The following TNFRSF11A variants were observed in gnomAD, a reference collection of about 807,000 sequenced individuals.
The protein encoded by TNFRSF11A is TNF receptor superfamily member 11a.
Under a neutral mutation model 55.7 loss-of-function variants are expected in TNFRSF11A, and 32 were observed. The ratio of observed to expected loss-of-function variants is 0.57; its 90% CI spans 0.43 to 0.77. The LOEUF (loss-of-function observed/expected upper bound fraction) is 0.77, where lower values mean the gene tolerates loss of function less well. TNFRSF11A is among the 30% of genes least tolerant of loss of function. TNFRSF11A has a pLI of 0.00. For missense variants in TNFRSF11A, 753 were observed against 809.8 expected (o/e 0.93, Z 0.85); for synonymous variants, 311 against 331.0 (o/e 0.94, Z 0.65).
chr18:62,384,886 G>T lies in TNFRSF11A; in HGVS notation c.1703G>T (p.Arg568Leu), dbSNP rs375618864. 2.5e-6 allele frequency: 4 copies of T among 1,589,586 alleles called. No homozygotes were observed. The highest frequency in any genetic ancestry group is 2.3e-5 in the East Asian group (1 of 43,914). The change falls in exon 10 of 10, where the codon CGC (arginine) becomes CTC (leucine). Residue 568 changes from arginine to leucine, a missense_variant. Around this residue, in one of 3 missense-constraint regions of TNFRSF11A, gnomAD observed 567 missense variants for 596.7 expected, o/e 0.95. Transcript: ENST00000586569. ...GCGGCGGCTGCGGAGCCCATGGGCCGCCCGGTGCAGGAGGAGACCCTGGCG... is the reference window on the plus strand; with the variant it reads ...GCGGCGGCTGCGGAGCCCATGGGCCTCCCGGTGCAGGAGGAGACCCTGGCG... ...GAAAAAEPMGRPVQEETLARR... is the reference protein window; with the variant it reads ...GAAAAAEPMGLPVQEETLARR...
At chr18:62,380,435 ATTT>A (rs577681535) in intron 9 of TNFRSF11A, among the ~76,000 whole-genome samples, 2 of 136,340 alleles carry the variant, frequency 1.5e-5, no homozygotes. Flanking sequence ...ACGGTCAGGA[ATTT>A]TTTTTTTTTT....
rs1269204952 is a variant in TNFRSF11A, at chr18:62,349,850, A to G, written c.196A>G (p.Ser66Gly). The change falls in exon 3 of 10, where the codon AGT becomes GGT. Residue 66 changes from serine to glycine, a missense_variant. By Grantham distance (56) the Ser-to-Gly change is moderately conservative. This residue lies in a region of TNFRSF11A where 156 missense variants were observed against 155.1 expected (regional missense o/e 1.01). Coordinates refer to ENST00000586569, the MANE Select transcript of TNFRSF11A (RefSeq NM_003839.4). Reference sequence around the variant, plus strand: ...TTCTAAATGCACTACTACCTCTGACAGTGTATGTCTGCCCTGTGGCCCGGA... The same window carrying G: ...TTCTAAATGCACTACTACCTCTGACGGTGTATGTCTGCCCTGTGGCCCGGA... ...MSSKCTTTSDSVCLPCGPDEY... is the reference protein window; with the variant it reads ...MSSKCTTTSDGVCLPCGPDEY... The G allele has an allele frequency of 6.2e-7, 1 of 1,614,094 alleles. No homozygotes were observed. The highest frequency in any genetic ancestry group is 1.1e-5 in the South Asian group (1 of 91,086).
rs554552883 is a variant in TNFRSF11A, at chr18:62,361,799, G to C, written c.730+6G>C. ...AAAAGGGAAAGCACTCACAGGTATT[G>C]TGTCTATGGTGGTTTTTGCAAACCA... On this transcript the variant is annotated splice_donor_region_variant and intron_variant, in intron 7 of 9. Coordinates refer to ENST00000586569, the MANE Select transcript of TNFRSF11A (RefSeq NM_003839.4). The C allele has an allele frequency of 2.8e-5, 45 of 1,611,972 alleles. No individual in the cohort carries two copies. Among genetic ancestry groups the C allele is most frequent in the Middle Eastern group, 3.3e-4 (2 of 6,060 alleles).
At position 62,389,684 on chromosome 18, in the gene TNFRSF11A, C is replaced by T. The variant is rs997524511; in HGVS notation, c.*4650C>T. 1.3e-5 allele frequency: 2 copies of T among 152,210 alleles called. No homozygotes were observed. The highest frequency in any genetic ancestry group is 4.8e-5 in the African/African-American group (2 of 41,450). 9.4% of individuals were successfully genotyped at this position (152,210 alleles called of 1,614,324 possible). Reference sequence around the variant, plus strand: ...GTTGAAACTCATGCTAGGCTAACATCTCTTTCCTTCATCCCATTCATAAAA... The same window carrying T: ...GTTGAAACTCATGCTAGGCTAACATTTCTTTCCTTCATCCCATTCATAAAA... On this transcript the variant is annotated 3_prime_UTR_variant, in exon 10 of 10. Transcript: ENST00000586569.
Position 62,360,003 on chromosome 18 carries a change from C to T in TNFRSF11A, c.570C>T (p.Ser190=), listed in dbSNP as rs12721430. ...KRVEHHGTEK[S]DAVCSSSLPA... ...TAGAACATCATGGGACAGAGAAATC[C>T]GATGCGGTTTGCAGTTCTTCTCTGC... is the stretch of plus-strand genomic sequence containing the variant. Residue 190 remains serine, a synonymous_variant, in exon 6 of 10, where the codon TCC becomes TCT. Coordinates refer to ENST00000586569, the MANE Select transcript of TNFRSF11A (RefSeq NM_003839.4). The T allele has an allele frequency of 3.6e-3, 5,887 of 1,613,996 alleles. 17 individuals carry two copies. The highest frequency in any genetic ancestry group is 0.016 in the Middle Eastern group (99 of 6,062).
chr18:62,368,792 A>G lies in TNFRSF11A; in HGVS notation c.875A>G (p.Glu292Gly). The stretch of plus-strand genomic sequence containing the variant: ...GGTGTCTTACTGCTGACTCTGGAGG[A>G]GAAGACATTTCCAGAAGATATGTGC... ...CEGVLLLTLE[E>G]KTFPEDMCYP... The change falls in exon 9 of 10, where the codon GAG (glutamate) becomes GGG (glycine). Residue 292 changes from glutamate (E) to glycine (G), a missense_variant. Physicochemically the swap from Glu to Gly is moderately conservative, Grantham distance 98. Around this residue, in one of 3 missense-constraint regions of TNFRSF11A, gnomAD observed 567 missense variants for 596.7 expected, o/e 0.95. Coordinates refer to ENST00000586569, the MANE Select transcript of TNFRSF11A (RefSeq NM_003839.4). 2 of 1,614,222 alleles carry G rather than the reference A, an allele frequency of 1.2e-6. No individual in the cohort carries two copies. Among genetic ancestry groups the G allele is most frequent in the Non-Finnish European group, 1.7e-6 (2 of 1,180,042 alleles).
In TNFRSF11A at chr18:62,384,977, G is replaced by A; in HGVS notation, c.1794G>A (p.Leu598=). Residue 598 remains leucine (L), a synonymous_variant, in exon 10 of 10, where the codon CTG becomes CTA. Transcript: ENST00000586569. ...FPDPCGGPEG[L]REPEKASRPV... is the part of the protein sequence containing the mutation. ...ACCCGTGCGGCGGCCCCGAGGGGCT[G>A]CGGGAGCCGGAGAAGGCCTCGAGGC... The A allele has an allele frequency of 6.8e-7, 1 of 1,472,970 alleles. No homozygotes were observed. The highest frequency in any genetic ancestry group is 8.9e-7 in the Non-Finnish European group (1 of 1,121,950). The allele number at this position is 1,472,970 out of a possible 1,614,324, so 91.2% of individuals were successfully genotyped here.
intron 3 of TNFRSF11A, among the ~76,000 whole-genome samples, chr18:62,351,537 G>A (rs969965804): frequency 3.9e-5 from 6 of 152,186 alleles, no homozygotes; most frequent in Admixed American, 2.0e-4. Flanking sequence ...CTGCAGAAAG[G>A]TGATGTTCTG....
chr18:62,348,949 G>T lies in TNFRSF11A; in HGVS notation c.157+700G>T, dbSNP rs1455102650. On this transcript the variant is annotated intron_variant, in intron 2 of 9. Coordinates refer to ENST00000586569, the MANE Select transcript of TNFRSF11A (RefSeq NM_003839.4). ...GTGTTGGATAGGCGGGTGGGGCGCA[G>T]CGTGACACTTGGTCAAACGAAGCTA... 7.9e-5 allele frequency among the ~76,000 whole-genome samples: 12 copies of T among 152,348 alleles called. No homozygotes were observed. In the South Asian group the frequency reaches 2.3e-3, roughly 29 times the overall value.
chr18:62,376,460 T>A (rs1375171124), intron 9 of TNFRSF11A, among the ~76,000 whole-genome samples: 3 of 152,236 alleles, frequency 2.0e-5, no homozygotes, highest in Admixed American at 6.5e-5. Flanking sequence ...ATGTTTTTAA[T>A]GTAGACTATT....
intron 1 of TNFRSF11A, among the ~76,000 whole-genome samples, chr18:62,339,421 C>A (rs879571969): frequency 6.6e-6 from 1 of 152,216 alleles, no homozygotes; most frequent in Non-Finnish European, 1.5e-5. Flanking sequence ...CCAAGGAAGA[C>A]GTGGACACCA....
chr18:62,370,528 G>C (rs1445673304), intron 9 of TNFRSF11A, among the ~76,000 whole-genome samples: 1 of 152,200 alleles, frequency 6.6e-6, no homozygotes, highest in Non-Finnish European at 1.5e-5. Context: ...GAGGTAGCTA[G>C]ATCTGTGCCT....
rs201023972 is a variant in TNFRSF11A, at chr18:62,384,929, G to C, written c.1746G>C (p.Ala582=). The part of the protein sequence containing the change: ...EETLARRDSF[A]GNGPRFPDPC... ...CCCTGGCGCGCCGAGACTCCTTCGC[G>C]GGGAACGGCCCGCGCTTCCCGGACC... The change falls in exon 10 of 10, where the codon GCG becomes GCC. Residue 582 remains alanine, a synonymous_variant. Coordinates refer to ENST00000586569, the MANE Select transcript of TNFRSF11A (RefSeq NM_003839.4). The C allele has an allele frequency of 1.9e-5, 30 of 1,550,184 alleles. No individual in the cohort carries two copies. The African/African-American group carries it at 3.3e-4, about 17-fold the overall frequency.
rs192150571 is a variant in TNFRSF11A at position 62,383,092 on chromosome 18, G to A, written c.1568-1659G>A. 6.6e-6 allele frequency among the ~76,000 whole-genome samples: 1 copy of A among 152,132 alleles called. No individual in the cohort carries two copies. The highest frequency in any genetic ancestry group is 2.4e-5 in the African/African-American group (1 of 41,420). Reference sequence around the variant, plus strand: ...AAGGTGCTGGGTAGGTGGTAAACAGGAATGCCAACGGGCCTCCCTCATGCT... The same window carrying A: ...AAGGTGCTGGGTAGGTGGTAAACAGAAATGCCAACGGGCCTCCCTCATGCT... On this transcript the variant is annotated intron_variant, in intron 9 of 9. Transcript: ENST00000586569. The surrounding 1 kb of genome is among the most constrained non-coding windows in gnomAD (Gnocchi z 4.2).
Position 62,359,980 on chromosome 18 carries a change from G to C in TNFRSF11A, c.547G>C (p.Glu183Gln). ...TNCTFLGKRV[E>Q]HHGTEKSDAV... ...CTGTACCTTCCTTGGAAAGAGAGTA[G>C]AACATCATGGGACAGAGAAATCCGA... The change falls in exon 6 of 10, where the codon GAA becomes CAA. Residue 183 changes from glutamate to glutamine, a missense_variant. Physicochemically the swap from Glu to Gln is conservative, Grantham distance 29. Transcript: ENST00000586569. 6.2e-7 allele frequency: 1 copy of C among 1,613,976 alleles called. No individual in the cohort carries two copies. Among genetic ancestry groups the C allele is most frequent in the Non-Finnish European group, 8.5e-7 (1 of 1,179,888 alleles).
chr18:62,331,292 T>C (rs12150741), intron 1 of TNFRSF11A, among the ~76,000 whole-genome samples: 23,202 of 152,250 alleles, frequency 0.15, 2,403 homozygotes, highest in Middle Eastern at 0.28. Context: ...GTTTGGGTTA[T>C]ATTTTTCACT....
At chr18:62,359,793 T>C (rs1265540119) in intron 5 of TNFRSF11A, among the ~76,000 whole-genome samples, 162 bp from the exon 6 acceptor site, 1 of 152,240 alleles carries the variant, frequency 6.6e-6, no homozygotes, top group East Asian at 1.9e-4. Flanking sequence ...TCCCACCTTG[T>C]GCTGTTCTCC....
At chr18:62,368,553 A>G (rs1471080226) in intron 8 of TNFRSF11A, 148 bp from the exon 9 acceptor site, 4 of 819,614 alleles carry the variant, frequency 4.9e-6, no homozygotes, top group African/African-American at 1.7e-5. Context: ...GTAATTTGAA[A>G]TAACACAAAG....
intron 1 of TNFRSF11A, chr18:62,336,739 G>T (rs770465001): frequency 3.3e-5 from 5 of 152,182 alleles, no homozygotes; most frequent in Non-Finnish European, 5.9e-5. Flanking sequence ...GAAACAACCG[G>T]CCTTGCCCTT....
Sources: allele counts gnomAD v4.1 joint callset (sites outside exome capture counted in the v4.1 genomes callset), GRCh38; gene constraint gnomAD v4.1.1; regional missense constraint gnomAD v4.1.1; non-coding constraint Gnocchi (gnomAD v3.1); transcripts MANE v1.5; gene names NCBI Gene and HGNC (gene_info 2026-07-23, HGNC 2026-07-21).